The following CASP9 variants were observed in gnomAD, a reference collection of about 807,000 sequenced individuals.
The protein encoded by CASP9 is caspase-9.
A neutral mutation model predicts 43.5 loss-of-function variants in CASP9; 29 were observed. The ratio of observed to expected loss-of-function variants is 0.67; its 90% CI spans 0.50 to 0.91. The LOEUF is 0.91. Ranked by LOEUF, CASP9 falls within the 40% of genes least tolerant of loss-of-function variation. The pLI, the probability that CASP9 is intolerant of heterozygous loss-of-function variation, is 0.00. For missense variants in CASP9, 575 were observed against 537.4 expected (o/e 1.07, Z -0.69); for synonymous variants, 206 against 211.9 (o/e 0.97, Z 0.24).
At chr1:15,506,864 C>T in intron 4 of CASP9, 35 bp downstream of exon 4, 1 of 1,559,410 alleles carries the variant, frequency 6.4e-7, no homozygotes. Flanking sequence ...CCCACTGCCC[C>T]CCACCCTGTC....
chr1:15,493,638 C>T lies in CASP9; in HGVS notation c.1158+254G>A, dbSNP rs1049417472. 1.4e-5 allele frequency: 20 copies of T among 1,443,034 alleles called. No homozygotes were observed. In the African/African-American group the frequency reaches 1.6e-4, roughly 11 times the overall value. 89.4% of individuals were successfully genotyped at this position (1,443,034 alleles called of 1,614,324 possible). On this transcript the variant is annotated intron_variant, in intron 8 of 8. Coordinates refer to ENST00000333868, the MANE Select transcript of CASP9 (RefSeq NM_001229.5). The stretch of plus-strand genomic sequence containing the variant: ...AGGACCAGCTCCATCAGTGGAGGAG[C>T]GGGAGGTGTCAACCTGGGGACCTTG...
chr1:15,514,825 G>A (rs1036981176), intron 2 of CASP9, among the ~76,000 whole-genome samples: 2 of 152,038 alleles, frequency 1.3e-5, no homozygotes, highest in Non-Finnish European at 2.9e-5. Context: ...GGCCAACATG[G>A]GGAAACCTTG....
At position 15,492,947 on chromosome 1, in the gene CASP9, G is replaced by GAAACATC; in HGVS notation, c.1246_1247insGATGTTT (p.Ser416Ter). 5 of 1,613,728 alleles carry GAAACATC rather than the reference G, an allele frequency of 3.1e-6. No individual in the cohort carries two copies. The highest frequency in any genetic ancestry group is 4.2e-6 in the Non-Finnish European group (5 of 1,180,018). ...GCAGGGTGAGGGGCCCTGGCCTTATGATGTTTTAAAGAAAAGTTTTTTCCG... is the reference window on the plus strand; with the variant it reads ...GCAGGGTGAGGGGCCCTGGCCTTATGAAACATCATGTTTTAAAGAAAAGTTTTTTCCG... On this transcript the variant is annotated stop_gained and frameshift_variant, in exon 9 of 9. Coordinates refer to ENST00000333868, the MANE Select transcript of CASP9 (RefSeq NM_001229.5). LOFTEE classifies it high-confidence loss of function.
At chr1:15,519,053 T>G (rs1710076590) in intron 1 of CASP9, among the ~76,000 whole-genome samples, 1 of 149,180 alleles carries the variant, frequency 6.7e-6, no homozygotes, top group African/African-American at 2.5e-5. Flanking sequence ...TTTTTTTTTA[T>G]TTTTAGTAGA....
chr1:15,495,203 C>A, intron 7 of CASP9, 70 bp downstream of exon 7: 3 of 1,433,396 alleles, frequency 2.1e-6, no homozygotes, highest in Non-Finnish European at 2.9e-6. Context: ...TTTCTCTCAC[C>A]ACACAGCTGC....
At chr1:15,503,982 C>A (rs1709423280) in intron 6 of CASP9, among the ~76,000 whole-genome samples, 1 of 152,078 alleles carries the variant, frequency 6.6e-6, no homozygotes, top group Admixed American at 6.6e-5. Context: ...GAGCATACAG[C>A]AAAACTACAA....
chr1:15,518,442 A>G (rs573316165), intron 1 of CASP9, 47 bp from the exon 2 acceptor site: 3 of 1,573,558 alleles, frequency 1.9e-6, no homozygotes, highest in East Asian at 4.5e-5. Flanking sequence ...GTACTTTTAT[A>G]TGGCTCTCAC....
Position 15,507,901 on chromosome 1 carries a change from A to G in CASP9, c.425T>C (p.Leu142Pro), listed in dbSNP as rs970670597. Residue 142 changes from leucine (L) to proline (P), a missense_variant, in exon 3 of 9, where the codon CTT becomes CCT. Physicochemically the swap from Leu to Pro is moderately conservative, Grantham distance 98. Coordinates refer to ENST00000333868, the MANE Select transcript of CASP9 (RefSeq NM_001229.5). ...GSGGFGDVGA[L>P]ESLRGNADLA... ...ATCTGCATTTCCCCTCAAACTCTCAAGAGCACCTGAAGAGGCAGAGAAAGA... is the reference window on the plus strand; with the variant it reads ...ATCTGCATTTCCCCTCAAACTCTCAGGAGCACCTGAAGAGGCAGAGAAAGA... The G allele has an allele frequency of 1.9e-6, 3 of 1,614,046 alleles. No homozygotes were observed. Among genetic ancestry groups the G allele is most frequent in the African/African-American group, 2.7e-5 (2 of 74,940 alleles).
intron 8 of CASP9, chr1:15,493,584 C>G: frequency 7.0e-7 from 1 of 1,428,408 alleles, no homozygotes; most frequent in Non-Finnish European, 9.1e-7. Flanking sequence ...CCTTCAGGGT[C>G]TGGACAGAGC....
At chr1:15,497,254 T>C (rs576375978) in intron 6 of CASP9, among the ~76,000 whole-genome samples, 15 of 145,520 alleles carry the variant, frequency 1.0e-4, no homozygotes, top group Non-Finnish European at 2.2e-4. Context: ...GAGGTTGCAG[T>C]GAGTCAAGAT....
rs142770685 is a variant in CASP9, at chr1:15,491,726, C to T, written c.*1217G>A. 1.0e-3 allele frequency: 190 copies of T among 184,072 alleles called. 3 individuals carry two copies. The East Asian group carries it at 0.023, about 22-fold the overall frequency. The allele number at this position is 184,072 out of a possible 1,614,324, so 11.4% of individuals were successfully genotyped here. A position where few individuals can be genotyped will look rare whatever the true frequency, so the allele number is the denominator to read the frequency against. On this transcript the variant is annotated 3_prime_UTR_variant, in exon 9 of 9. Transcript: ENST00000333868. ...TAAGCCAAGATTGCGTCATTGCACT[C>T]CAGCCTGGGCGACAGAGTGAGACCC...
At chr1:15,521,156 CAAAAA>C (rs34870949) in intron 1 of CASP9, among the ~76,000 whole-genome samples, 3 of 81,220 alleles carry the variant, frequency 3.7e-5, no homozygotes, top group Non-Finnish European at 2.4e-5. Flanking sequence ...GACTCCGTCT[CAAAAA>C]AAAAAAAAAA....
chr1:15,520,500 G>A (rs949828832), intron 1 of CASP9, among the ~76,000 whole-genome samples: 10 of 152,120 alleles, frequency 6.6e-5, no homozygotes, highest in East Asian at 5.8e-4. Flanking sequence ...AGGAATAACC[G>A]GCGGGTATAG....
At chr1:15,509,227 G>A (rs543449007) in intron 2 of CASP9, among the ~76,000 whole-genome samples, 7 of 152,210 alleles carry the variant, frequency 4.6e-5, no homozygotes, top group South Asian at 4.1e-4. Flanking sequence ...CTGTATGTCC[G>A]TGTCCTAGTC....
rs1025397450 is a variant in CASP9, at chr1:15,497,310, AAAAAAAAAAAAAAAAAAGAAAGAAAG to A, written c.869-1884_869-1859del. ...TGGGCAACAGAGCAGGACTCCATCT[AAAAAAAAAAAAAAAAAAGAAAGAAAG>A]AAAGAAAGAAAAATAAAGAAGACAT... is the stretch of plus-strand genomic sequence containing the variant. On this transcript the variant is annotated intron_variant, in intron 6 of 8. Coordinates refer to ENST00000333868, the MANE Select transcript of CASP9 (RefSeq NM_001229.5). Among the ~76,000 whole-genome samples, 160 of 81,626 alleles carry A rather than the reference AAAAAAAAAAAAAAAAAAGAAAGAAAG, an allele frequency of 2.0e-3. 2 individuals carry two copies. The East Asian group carries it at 0.035, about 18-fold the overall frequency. 53.5% of individuals were successfully genotyped at this position (81,626 alleles called of 152,430 possible).
intron 6 of CASP9, among the ~76,000 whole-genome samples, chr1:15,498,573 T>G (rs2103333458): frequency 1.3e-5 from 2 of 152,230 alleles, no homozygotes; most frequent in South Asian, 4.2e-4. Flanking sequence ...CTGTCCACTA[T>G]ATCATAGGCA....
Position 15,502,638 on chromosome 1 carries a change from T to C in CASP9, c.868+1973A>G, listed in dbSNP as rs1357287009. Among the ~76,000 whole-genome samples the C allele has an allele frequency of 2.0e-5, 3 of 152,170 alleles. No homozygotes were observed. The East Asian group carries it at 5.8e-4, about 29-fold the overall frequency. On this transcript the variant is annotated intron_variant, in intron 6 of 8. Coordinates refer to ENST00000333868, the MANE Select transcript of CASP9 (RefSeq NM_001229.5). Reference sequence around the variant, plus strand: ...CCAAAGGCCTTGGAAGCCCTGCTACTGAGTCCTAAGAGTGACAGCAGATAT... The same window carrying C: ...CCAAAGGCCTTGGAAGCCCTGCTACCGAGTCCTAAGAGTGACAGCAGATAT...
chr1:15,504,647 T>TC lies in CASP9; in HGVS notation c.831dup (p.Lys278GlufsTer20), dbSNP rs1466721454. The TC allele has an allele frequency of 6.2e-7, 1 of 1,613,922 alleles. No individual in the cohort carries two copies. Among genetic ancestry groups the TC allele is most frequent in the African/African-American group, 1.3e-5 (1 of 74,890 alleles). ...GCCTGGATGAAAAAGAGCTTGGGCTTCCCTCCCAGGCTGGGGCAGCTGGTC... is the reference window on the plus strand; with the variant it reads ...GCCTGGATGAAAAAGAGCTTGGGCTTCCCCTCCCAGGCTGGGGCAGCTGGTC... On this transcript the variant is annotated frameshift_variant, in exon 6 of 9. Transcript: ENST00000333868. LOFTEE classifies it high-confidence loss of function.
chr1:15,512,486 T>C (rs1036884014), intron 2 of CASP9, among the ~76,000 whole-genome samples: 6 of 152,196 alleles, frequency 3.9e-5, no homozygotes, highest in Middle Eastern at 6.8e-3. Context: ...ACATCAGTCT[T>C]CTCCTGCCTT....
Sources: allele counts gnomAD v4.1 joint callset (sites outside exome capture counted in the v4.1 genomes callset), GRCh38; gene constraint gnomAD v4.1.1; transcripts MANE v1.5; gene names NCBI Gene and HGNC (gene_info 2026-07-23, HGNC 2026-07-21).